SVEP1: variants seen among roughly 807,000 people sequenced by gnomAD.
SVEP1 encodes sushi, von Willebrand factor type A, EGF and pentraxin domain containing 1.
SVEP1 carries 164 observed loss-of-function variants against 367.3 expected under a neutral mutation model. The observed-to-expected ratio is 0.45, with a 90% CI of 0.39 to 0.51. The LOEUF (loss-of-function observed/expected upper bound fraction) is 0.51, where lower values mean the gene tolerates loss of function less well. Among genes scored for constraint, SVEP1 ranks in the 20% least tolerant of loss-of-function variants. SVEP1 has a pLI of 0.00. For synonymous variants in SVEP1, 1,666 were observed against 1,611.6 expected, an observed-to-expected ratio of 1.03 and a Z score of -0.81; for missense variants, 4,117 against 4,425.3, an observed-to-expected ratio of 0.93 and a Z score of 1.98.
chr9:110,578,919 C>CA, intron 1 of SVEP1, 94 bp downstream of exon 1: 1 of 1,414,472 alleles, frequency 7.1e-7, no homozygotes, highest in East Asian at 2.5e-5. Flanking sequence ...TTATGCCTTG[C>CA]CCAGGACTGA....
intron 22 of SVEP1, among the ~76,000 whole-genome samples, chr9:110,452,678 C>T (rs1429088185): frequency 6.6e-6 from 1 of 152,172 alleles, no homozygotes; most frequent in East Asian, 1.9e-4. Context: ...TGTGATGTGG[C>T]CCCTAAATGC....
At chr9:110,414,677 T>A (rs1828091644) in intron 36 of SVEP1, among the ~76,000 whole-genome samples, 1 of 151,954 alleles carries the variant, frequency 6.6e-6, no homozygotes, top group African/African-American at 2.4e-5. Context: ...ATTGACACAC[T>A]GGGTAGAAGC....
At chr9:110,396,967 G>A (rs1050386231) in intron 40 of SVEP1, among the ~76,000 whole-genome samples, 1 of 151,710 alleles carries the variant, frequency 6.6e-6, no homozygotes, top group Non-Finnish European at 1.5e-5. Flanking sequence ...AACAGAAAAA[G>A]AGGGAATCCT....
intron 3 of SVEP1, among the ~76,000 whole-genome samples, chr9:110,528,087 T>C (rs1015030237): frequency 4.2e-5 from 6 of 144,318 alleles, no homozygotes; most frequent in Middle Eastern, 3.7e-3. Flanking sequence ...TATATATATA[T>C]ACACACACAC....
chr9:110,510,286 C>T (rs1829687502), intron 5 of SVEP1, among the ~76,000 whole-genome samples: 1 of 152,232 alleles, frequency 6.6e-6, no homozygotes, highest in Non-Finnish European at 1.5e-5. Context: ...GTTGACTTGT[C>T]AAGAACTCCT....
intron 3 of SVEP1, among the ~76,000 whole-genome samples, chr9:110,521,943 G>T (rs898086267): frequency 7.2e-5 from 11 of 151,984 alleles, no homozygotes; most frequent in Non-Finnish European, 1.6e-4. Flanking sequence ...AACTTGAACA[G>T]CTTTTCTCTA....
intron 40 of SVEP1, among the ~76,000 whole-genome samples, chr9:110,395,889 C>T (rs898849647): frequency 1.9e-4 from 29 of 151,976 alleles, no homozygotes; most frequent in African/African-American, 6.8e-4. Flanking sequence ...CTTAGACTCC[C>T]ACACAATAAT....
chr9:110,394,942 C>A (rs6477766), intron 40 of SVEP1, among the ~76,000 whole-genome samples: 102,810 of 152,040 alleles, frequency 0.68, 34,952 homozygotes, highest in Middle Eastern at 0.78. Flanking sequence ...GATATTATCC[C>A]GGAGAACTTC....
Position 110,408,078 on chromosome 9 carries a change from T to C in SVEP1, c.7522A>G (p.Lys2508Glu), listed in dbSNP as rs1156704359. 5 of 1,613,174 alleles carry C rather than the reference T, an allele frequency of 3.1e-6. No individual in the cohort carries two copies. Among genetic ancestry groups the C allele is most frequent in the Middle Eastern group, 1.6e-4 (1 of 6,062 alleles). The change falls in exon 38 of 48, where the codon AAA becomes GAA. Residue 2508 changes from lysine (K) to glutamate (E), a missense_variant. Lys to Glu is a moderately conservative substitution (Grantham distance 56). This residue lies in a region of SVEP1 where 1,765 missense variants were observed against 1,781.1 expected (regional missense o/e 0.99). Transcript: ENST00000374469. Reference protein sequence around the residue: ...CLKPKEILNGKFSYTDLHYGQ... With the variant: ...CLKPKEILNGEFSYTDLHYGQ... ...TAGTGTAGGTCCGTGTAAGAGAATTTGCCATTCAAAATCTCCTTGGGTTTC... is the reference window on the plus strand; with the variant it reads ...TAGTGTAGGTCCGTGTAAGAGAATTCGCCATTCAAAATCTCCTTGGGTTTC...
chr9:110,450,979 C>T lies in SVEP1; in HGVS notation c.3901+310G>A, dbSNP rs1828684395. On this transcript the variant is annotated intron_variant, in intron 23 of 47. Transcript: ENST00000374469. ...TACACTTTTAAACCATATTATTGTA[C>T]ATCTGTTTGCAATATGATATTACAT... Among the ~76,000 whole-genome samples the T allele has an allele frequency of 2.0e-5, 3 of 152,124 alleles. No individual in the cohort carries two copies. In the South Asian group the frequency reaches 6.2e-4, roughly 31 times the overall value.
chr9:110,430,032 C>A, intron 33 of SVEP1, 28 bp from the exon 34 acceptor site: 1 of 1,603,844 alleles, frequency 6.2e-7, no homozygotes, highest in South Asian at 1.1e-5. Flanking sequence ...AAACACGTGA[C>A]TTTTTTGAGA....
chr9:110,529,706 A>G (rs1306247992), intron 3 of SVEP1, among the ~76,000 whole-genome samples: 3 of 152,050 alleles, frequency 2.0e-5, no homozygotes, highest in African/African-American at 7.2e-5. Context: ...TGATTTGTGT[A>G]TATTGATTTT....
intron 28 of SVEP1, among the ~76,000 whole-genome samples, chr9:110,435,694 G>T (rs1324277603): frequency 6.6e-6 from 1 of 152,156 alleles, no homozygotes; most frequent in Non-Finnish European, 1.5e-5. Flanking sequence ...TTTGACCTCT[G>T]ACACAGAATT....
chr9:110,570,407 A>C (rs1271723709), intron 1 of SVEP1, among the ~76,000 whole-genome samples: 4 of 151,518 alleles, frequency 2.6e-5, no homozygotes, highest in Non-Finnish European at 5.9e-5. Flanking sequence ...TTTGTGAGTG[A>C]ATTTCATATT....
chr9:110,447,512 G>A (rs1349623900), intron 24 of SVEP1, among the ~76,000 whole-genome samples: 2 of 152,206 alleles, frequency 1.3e-5, no homozygotes, highest in African/African-American at 4.8e-5. Flanking sequence ...GTGGAGTGGG[G>A]TTTTGAATCA....
At chr9:110,468,588 A>C (rs1043206392) in intron 17 of SVEP1, among the ~76,000 whole-genome samples, 1 of 152,246 alleles carries the variant, frequency 6.6e-6, no homozygotes, top group African/African-American at 2.4e-5. Flanking sequence ...AGAGGAAAAG[A>C]ATATTCTTAG....
chr9:110,417,163 G>A (rs1013552170), intron 36 of SVEP1, among the ~76,000 whole-genome samples: 2 of 151,454 alleles, frequency 1.3e-5, no homozygotes, highest in Non-Finnish European at 2.9e-5. Context: ...CAGCGTGAGC[G>A]ACGCAGAAGA....
At position 110,445,866 on chromosome 9, in the gene SVEP1, G is replaced by A. The variant is rs768532200; in HGVS notation, c.4434C>T (p.Asp1478=). Residue 1478 remains aspartate, a synonymous_variant, in exon 26 of 48, where the codon GAC becomes GAT. Transcript: ENST00000374469. ...PISYAVDNGS[D]NTLLLTDYNG... Reference sequence around the variant, plus strand: ...TATAATCAGTCAGGAGCAAGGTATTGTCGCTGCCGTTATCAACTGCATAGG... The same window carrying A: ...TATAATCAGTCAGGAGCAAGGTATTATCGCTGCCGTTATCAACTGCATAGG... The A allele has an allele frequency of 1.9e-6, 3 of 1,613,874 alleles. No individual in the cohort carries two copies. Among genetic ancestry groups the A allele is most frequent in the Middle Eastern group, 1.7e-4 (1 of 6,058 alleles).
chr9:110,441,505 T>C (rs1285916892), intron 27 of SVEP1, among the ~76,000 whole-genome samples: 2 of 152,238 alleles, frequency 1.3e-5, no homozygotes, highest in South Asian at 2.1e-4. Flanking sequence ...CTTCCATTTC[T>C]GGAACCTCAA....
Sources: allele counts gnomAD v4.1 joint callset (sites outside exome capture counted in the v4.1 genomes callset), GRCh38; gene constraint gnomAD v4.1.1; regional missense constraint gnomAD v4.1.1; transcripts MANE v1.5; gene names NCBI Gene and HGNC (gene_info 2026-07-23, HGNC 2026-07-21).